The following CNTN5 variants were observed in gnomAD, a reference collection of about 807,000 sequenced individuals.
The protein encoded by CNTN5 is contactin 5, also known as contactin-5.
CNTN5 carries 77 observed loss-of-function variants against 129.1 expected under a neutral mutation model. The ratio of observed to expected loss-of-function variants is 0.60; its 90% CI spans 0.50 to 0.72. The LOEUF is 0.72. Among genes scored for constraint, CNTN5 ranks in the 30% least tolerant of loss-of-function variants. The pLI, the probability that CNTN5 is intolerant of heterozygous loss-of-function variation, is 0.00. For synonymous variants in CNTN5, 509 were observed against 465.6 expected (o/e 1.09, Z -1.20); for missense variants, 1,478 against 1,328.8 (o/e 1.11, Z -1.75).
At chr11:99,290,478 C>A (rs1403472083) in intron 1 of CNTN5, among the ~76,000 whole-genome samples, 2 of 151,810 alleles carry the variant, frequency 1.3e-5, no homozygotes, top group Non-Finnish European at 3.0e-5. Context: ...TGTGGGCAGC[C>A]TCATCAGAGT....
chr11:100,081,726 T>C (rs937239002), intron 13 of CNTN5, among the ~76,000 whole-genome samples: 2 of 152,214 alleles, frequency 1.3e-5, no homozygotes, highest in South Asian at 2.1e-4. Flanking sequence ...AGAAGGACTA[T>C]ATACCGTTTC....
intron 1 of CNTN5, among the ~76,000 whole-genome samples, chr11:99,122,980 G>A (rs12276324): frequency 0.26 from 38,873 of 151,922 alleles, 5,533 homozygotes; most frequent in East Asian, 0.41. Context: ...TGTCTTTGCT[G>A]TCTTGAATAG....
intron 7 of CNTN5, among the ~76,000 whole-genome samples, chr11:99,925,843 A>G (rs898444170): frequency 2.0e-5 from 3 of 152,196 alleles, no homozygotes; most frequent in Non-Finnish European, 4.4e-5. Flanking sequence ...TCCAGAGAAT[A>G]TAAGAGGTAG....
In CNTN5 at chr11:99,966,197, A is replaced by C. The variant is rs112247452; in HGVS notation, c.877+9188A>C. On this transcript the variant is annotated intron_variant, in intron 8 of 24. Transcript: ENST00000524871. Reference sequence around the variant, plus strand: ...AAATGTAGACCTTTCTAAAAATAATAAGGGACATATGCAAAGGCAGTATTT... The same window carrying C: ...AAATGTAGACCTTTCTAAAAATAATCAGGGACATATGCAAAGGCAGTATTT... 4.7e-3 allele frequency among the ~76,000 whole-genome samples: 721 copies of C among 152,318 alleles called. 5 individuals are homozygous for C. The highest frequency in any genetic ancestry group is 0.016 in the African/African-American group (669 of 41,578).
intron 13 of CNTN5, among the ~76,000 whole-genome samples, chr11:100,138,249 G>GAA (rs60393448): frequency 4.7e-4 from 70 of 147,630 alleles, no homozygotes; most frequent in East Asian, 4.2e-3. Context: ...TGGCACTAAG[G>GAA]AAAAAAAAAA....
At chr11:99,442,044 T>C (rs1398970775) in intron 2 of CNTN5, among the ~76,000 whole-genome samples, 1 of 152,218 alleles carries the variant, frequency 6.6e-6, no homozygotes, top group Non-Finnish European at 1.5e-5. Flanking sequence ...CTGATCATCC[T>C]AAGCAGAATT....
chr11:99,372,483 A>C (rs1248649709), intron 2 of CNTN5, among the ~76,000 whole-genome samples: 2 of 152,212 alleles, frequency 1.3e-5, no homozygotes. Context: ...AAAGGAAGGT[A>C]GTGAATATGC....
chr11:100,184,789 G>T (rs1056076276), intron 13 of CNTN5, among the ~76,000 whole-genome samples: 1 of 152,044 alleles, frequency 6.6e-6, no homozygotes, highest in East Asian at 1.9e-4. Flanking sequence ...GATATATAGG[G>T]ATCATTTACA....
intron 18 of CNTN5, among the ~76,000 whole-genome samples, chr11:100,276,473 T>C (rs187493525): frequency 1.5e-5 from 2 of 130,374 alleles, no homozygotes; most frequent in Admixed American, 2.0e-4. Flanking sequence ...GAGGTTGCAC[T>C]GAGCAGACAT....
chr11:99,228,125 A>G (rs1352387290), intron 1 of CNTN5, among the ~76,000 whole-genome samples: 4 of 152,110 alleles, frequency 2.6e-5, no homozygotes, highest in Non-Finnish European at 5.9e-5. Context: ...ACCATAATCT[A>G]CATTTCTGAT....
At chr11:99,171,623 G>A (rs568432030) in intron 1 of CNTN5, among the ~76,000 whole-genome samples, 1 of 152,240 alleles carries the variant, frequency 6.6e-6, no homozygotes, top group Non-Finnish European at 1.5e-5. Flanking sequence ...CACCTGAAGT[G>A]CTTCGAAAGA....
chr11:100,259,527 C>T (rs966131986), intron 17 of CNTN5, among the ~76,000 whole-genome samples: 108 of 152,108 alleles, frequency 7.1e-4, no homozygotes, highest in African/African-American at 1.9e-3. Context: ...TATTCTAAAA[C>T]TGACCACATA....
At chr11:99,377,102 C>T (rs772706360) in intron 2 of CNTN5, among the ~76,000 whole-genome samples, 1 of 151,948 alleles carries the variant, frequency 6.6e-6, no homozygotes, top group Non-Finnish European at 1.5e-5. Context: ...GTCAATTATC[C>T]TTTTGAATAT....
chr11:99,290,858 A>G (rs1864144451), intron 1 of CNTN5, among the ~76,000 whole-genome samples: 1 of 151,876 alleles, frequency 6.6e-6, no homozygotes, highest in African/African-American at 2.4e-5. Context: ...TGCTGGTTTC[A>G]TTAAAGTTAT....
intron 1 of CNTN5, among the ~76,000 whole-genome samples, chr11:99,100,529 T>C (rs1294725076): frequency 6.6e-6 from 1 of 152,134 alleles, no homozygotes; most frequent in African/African-American, 2.4e-5. Flanking sequence ...ATAGCATAAT[T>C]GAATGTATTT....
intron 13 of CNTN5, among the ~76,000 whole-genome samples, chr11:100,115,115 T>TAAAAAAA (rs11388029): frequency 7.2e-4 from 56 of 78,244 alleles, no homozygotes; most frequent in East Asian, 1.3e-3. Flanking sequence ...AGGTATACAG[T>TAAAAAAA]AAAAAAAAAA....
At chr11:99,871,777 G>A (rs937881788) in intron 6 of CNTN5, among the ~76,000 whole-genome samples, 1 of 151,958 alleles carries the variant, frequency 6.6e-6, no homozygotes, top group Non-Finnish European at 1.5e-5. Flanking sequence ...AGAAGTCTAT[G>A]TTTAAATGCC....
At chr11:100,319,587 G>A (rs1386016584) in intron 21 of CNTN5, among the ~76,000 whole-genome samples, 3 of 152,156 alleles carry the variant, frequency 2.0e-5, no homozygotes, top group African/African-American at 7.2e-5. Context: ...ATTTTTAGGT[G>A]AGAAAATCCA....
chr11:100,117,252 T>C (rs1053599923), intron 13 of CNTN5, among the ~76,000 whole-genome samples: 1 of 151,946 alleles, frequency 6.6e-6, no homozygotes, highest in African/African-American at 2.4e-5. Flanking sequence ...ACCTGGGTTC[T>C]GGTATTTCTT....
Sources: allele counts gnomAD v4.1 joint callset (sites outside exome capture counted in the v4.1 genomes callset), GRCh38; gene constraint gnomAD v4.1.1; transcripts MANE v1.5; gene names NCBI Gene and HGNC (gene_info 2026-07-23, HGNC 2026-07-21).